Variants in KCNIP4 observed in about 807,000 individuals in gnomAD.
KCNIP4 encodes Kv channel-interacting protein 4.
In KCNIP4, 12 loss-of-function variants were observed where a neutral mutation model predicts 34.0. The ratio of observed to expected loss-of-function variants is 0.35; its 90% confidence interval spans 0.23 to 0.57. The LOEUF (loss-of-function observed/expected upper bound fraction) is 0.57. Ranked by LOEUF, KCNIP4 falls within the 20% of genes least tolerant of loss-of-function variation. The pLI, the probability that KCNIP4 is intolerant of heterozygous loss-of-function variation, is 0.83. For missense variants in KCNIP4, 238 were observed against 311.7 expected (o/e 0.76, Z 1.78); for synonymous variants, 124 against 102.2 (o/e 1.21, Z -1.29).
chr4:21,339,997 T>A (rs573010385), intron 1 of KCNIP4, among the ~76,000 whole-genome samples: 1 of 152,310 alleles, frequency 6.6e-6, no homozygotes, highest in Non-Finnish European at 1.5e-5. Flanking sequence ...TACATTTGTC[T>A]GTATAATGTT....
At chr4:20,992,963 G>A (rs1211822476) in intron 1 of KCNIP4, among the ~76,000 whole-genome samples, 2 of 149,252 alleles carry the variant, frequency 1.3e-5, no homozygotes, top group Admixed American at 6.7e-5. Flanking sequence ...GGGGAGTGGA[G>A]GTTGCAGTGA....
intron 1 of KCNIP4, among the ~76,000 whole-genome samples, chr4:21,343,793 T>C (rs1004110402): frequency 5.3e-5 from 8 of 152,018 alleles, no homozygotes; most frequent in African/African-American, 1.9e-4. Flanking sequence ...ACCTGAAACT[T>C]ATAGGCAGGA....
chr4:21,855,237 A>T (rs1724676846), intron 1 of KCNIP4, among the ~76,000 whole-genome samples: 1 of 152,220 alleles, frequency 6.6e-6, no homozygotes, highest in Non-Finnish European at 1.5e-5. Flanking sequence ...CTAGCATGAC[A>T]GTCTACATAA....
chr4:21,845,587 T>A (rs1723966728), intron 1 of KCNIP4: 1 of 152,110 alleles, frequency 6.6e-6, no homozygotes, highest in South Asian at 2.1e-4. Flanking sequence ...TTGCTTTTTT[T>A]CTTGCAAAAG....
chr4:21,751,578 T>C (rs1412208477), intron 1 of KCNIP4, among the ~76,000 whole-genome samples: 2 of 152,206 alleles, frequency 1.3e-5, no homozygotes, highest in Non-Finnish European at 2.9e-5. Flanking sequence ...AGCTCTATTG[T>C]ACTATTCAGT....
Position 21,309,519 on chromosome 4 carries a change from A to C in KCNIP4, c.62-426810T>G, listed in dbSNP as rs983839373. ...ATATATCCTTAGTCTTCACTAGCTT[A>C]AAATCTATTAAAAACAAAATTCAGA... On this transcript the variant is annotated intron_variant, in intron 1 of 8. Transcript: ENST00000382152. Among the ~76,000 whole-genome samples, 23 of 152,260 alleles carry C rather than the reference A, an allele frequency of 1.5e-4. 1 individual carries two copies. Among genetic ancestry groups the C allele is most frequent in the Non-Finnish European group, 2.6e-4 (18 of 68,044 alleles).
At chr4:21,384,582 T>C (rs1466796139) in intron 1 of KCNIP4, among the ~76,000 whole-genome samples, 1 of 152,206 alleles carries the variant, frequency 6.6e-6, no homozygotes, top group Non-Finnish European at 1.5e-5. Flanking sequence ...GAATAACTTG[T>C]AGCATGTTAA....
intron 1 of KCNIP4, among the ~76,000 whole-genome samples, chr4:20,987,041 C>G (rs566871258): frequency 3.3e-5 from 5 of 152,092 alleles, no homozygotes; most frequent in Non-Finnish European, 7.3e-5. Context: ...GTGACAGCAC[C>G]ATAAGAGGAG....
intron 3 of KCNIP4, among the ~76,000 whole-genome samples, chr4:20,821,852 GTA>G (rs1717148853): frequency 6.7e-6 from 1 of 149,366 alleles, no homozygotes; most frequent in Admixed American, 6.9e-5. Flanking sequence ...TGGTGTGTGT[GTA>G]TGTGTGTGTG....
chr4:21,326,466 CTT>C (rs34166585), intron 1 of KCNIP4, among the ~76,000 whole-genome samples: 5 of 149,372 alleles, frequency 3.3e-5, no homozygotes. Flanking sequence ...TTTTTCGTAC[CTT>C]TTTTTTTCAG....
At chr4:21,473,987 T>TA in intron 1 of KCNIP4, among the ~76,000 whole-genome samples, 2 of 152,252 alleles carry the variant, frequency 1.3e-5, no homozygotes, top group Middle Eastern at 6.8e-3. Context: ...GTGCTGACAT[T>TA]ACAGGCGTGA....
rs71655615 is a variant in KCNIP4, at chr4:21,126,617, C to CAAAAA, written c.62-243913_62-243909dup. On this transcript the variant is annotated intron_variant, in intron 1 of 8. Coordinates refer to ENST00000382152, the MANE Select transcript of KCNIP4 (RefSeq NM_025221.6). ...AACTTTGTTGAGAGAAGAGAAATAG[C>CAAAAA]AAAAAAAAAAAAAAAGAAAAGAAAA... Among the ~76,000 whole-genome samples, 106 of 81,846 alleles carry CAAAAA rather than the reference C, an allele frequency of 1.3e-3. 1 individual carries two copies. Among genetic ancestry groups the CAAAAA allele is most frequent in the African/African-American group, 2.4e-3 (56 of 23,484 alleles). 53.7% of individuals were successfully genotyped at this position (81,846 alleles called of 152,430 possible).
At chr4:21,893,419 G>A (rs942687593) in intron 1 of KCNIP4, among the ~76,000 whole-genome samples, 1 of 152,128 alleles carries the variant, frequency 6.6e-6, no homozygotes, top group East Asian at 1.9e-4. Context: ...CCAACGATGA[G>A]GCTTCTTGGA....
chr4:21,304,309 G>A (rs1489007162), intron 1 of KCNIP4, among the ~76,000 whole-genome samples: 1 of 152,098 alleles, frequency 6.6e-6, no homozygotes, highest in Non-Finnish European at 1.5e-5. Context: ...AGACAGCCAC[G>A]CATGAAGTCG....
intron 1 of KCNIP4, among the ~76,000 whole-genome samples, chr4:21,052,020 T>C (rs28774695): frequency 0.028 from 4,197 of 152,294 alleles, 164 homozygotes; most frequent in African/African-American, 0.095. Context: ...TACACCTCAA[T>C]ACATTGGAAT....
intron 1 of KCNIP4, among the ~76,000 whole-genome samples, chr4:21,266,097 T>G (rs1282247589): frequency 6.6e-6 from 1 of 152,182 alleles, no homozygotes; most frequent in Non-Finnish European, 1.5e-5. Context: ...ATTTAGATAC[T>G]CACTTAAATG....
intron 1 of KCNIP4, among the ~76,000 whole-genome samples, chr4:20,914,468 A>G (rs751892656): frequency 2.0e-5 from 3 of 152,142 alleles, no homozygotes; most frequent in Non-Finnish European, 4.4e-5. Context: ...CCAGACACCA[A>G]ATCTACCAGT....
intron 1 of KCNIP4, among the ~76,000 whole-genome samples, chr4:21,781,363 T>A (rs1248689217): frequency 6.6e-6 from 1 of 152,158 alleles, no homozygotes; most frequent in African/African-American, 2.4e-5. Flanking sequence ...CTCCTTCCCT[T>A]TATAAATTAC....
intron 1 of KCNIP4, among the ~76,000 whole-genome samples, chr4:21,443,638 G>A (rs149237754): frequency 2.4e-4 from 37 of 152,252 alleles, no homozygotes; most frequent in African/African-American, 8.4e-4. Context: ...ATGCTCTAAA[G>A]AATTTGGACT....
Sources: gnomAD v4.1 joint callset for allele counts (sites outside exome capture counted in the v4.1 genomes callset) on GRCh38, gnomAD v4.1.1 for gene constraint, MANE v1.5 for transcripts, NCBI Gene and HGNC (gene_info 2026-07-23, HGNC 2026-07-21) for gene names.